The following NCOA2 variants were observed in gnomAD, a reference collection of about 807,000 sequenced individuals.
The protein encoded by NCOA2 is nuclear receptor coactivator 2, also known as class E basic helix-loop-helix protein 75.
Under a neutral mutation model 145.1 loss-of-function variants are expected in NCOA2, and 21 were observed. The ratio of observed to expected loss-of-function variants is 0.14; its 90% CI spans 0.10 to 0.21. The LOEUF (loss-of-function observed/expected upper bound fraction) is 0.21. Among genes scored for constraint, NCOA2 ranks in the 10% least tolerant of loss-of-function variants. The pLI, the probability that NCOA2 is intolerant of heterozygous loss-of-function variation, is 1.00. For missense variants in NCOA2, 1,472 were observed against 1,837.6 expected (o/e 0.80, Z 3.64); for synonymous variants, 619 against 637.5 (o/e 0.97, Z 0.44).
intron 1 of NCOA2, among the ~76,000 whole-genome samples, chr8:70,369,584 G>A (rs1586616541): frequency 1.3e-5 from 2 of 152,154 alleles, no homozygotes; most frequent in African/African-American, 4.8e-5. Flanking sequence ...AGATAGAGCA[G>A]AAGGCACACA....
At chr8:70,376,299 C>T (rs964201922) in intron 1 of NCOA2, among the ~76,000 whole-genome samples, 1 of 151,962 alleles carries the variant, frequency 6.6e-6, no homozygotes, top group Admixed American at 6.6e-5. Context: ...CTGATATTAT[C>T]ATATCTAACT....
chr8:70,350,904 A>G (rs1382471113), intron 1 of NCOA2, among the ~76,000 whole-genome samples: 2 of 152,224 alleles, frequency 1.3e-5, no homozygotes, highest in Non-Finnish European at 2.9e-5. Context: ...CAGACTCAGT[A>G]ATTTATAAAG....
intron 2 of NCOA2, among the ~76,000 whole-genome samples, chr8:70,235,185 C>T (rs1821489064): frequency 6.6e-6 from 1 of 152,072 alleles, no homozygotes; most frequent in South Asian, 2.1e-4. Flanking sequence ...ATGGATGAAC[C>T]TTGAGAATAC....
Position 70,193,583 on chromosome 8 carries a change from G to GATC in NCOA2, c.260-18727_260-18725dup, listed in dbSNP as rs112221230. 3.0e-3 allele frequency among the ~76,000 whole-genome samples: 455 copies of GATC among 152,184 alleles called. 4 individuals carry two copies. Among genetic ancestry groups the GATC allele is most frequent in the African/African-American group, 0.011 (442 of 41,506 alleles). On this transcript the variant is annotated intron_variant, in intron 4 of 22. Coordinates refer to ENST00000452400, the MANE Select transcript of NCOA2 (RefSeq NM_006540.4). ...TTTTTTCCCCTCATCTGACATAAAG[G>GATC]ATCTACAAATTGAAGATGGTCTACC...
At chr8:70,177,104 C>T (rs1381637873) in intron 4 of NCOA2, among the ~76,000 whole-genome samples, 1 of 152,216 alleles carries the variant, frequency 6.6e-6, no homozygotes, top group Non-Finnish European at 1.5e-5. Flanking sequence ...TAACTATTCA[C>T]AGGGGTCGCA....
intron 1 of NCOA2, among the ~76,000 whole-genome samples, chr8:70,333,695 C>A (rs1056272753): frequency 1.3e-5 from 2 of 152,172 alleles, no homozygotes; most frequent in Non-Finnish European, 2.9e-5. Flanking sequence ...CCACTACCTG[C>A]ACTTGTCAAT....
At chr8:70,127,085 G>T in intron 18 of NCOA2, 38 bp from the exon 19 acceptor site, 1 of 1,418,876 alleles carries the variant, frequency 7.0e-7, no homozygotes, top group Non-Finnish European at 9.8e-7. Context: ...AAATGTCGGG[G>T]ACAGACATAG....
At chr8:70,286,267 C>G (rs1353298327) in intron 2 of NCOA2, among the ~76,000 whole-genome samples, 2 of 151,984 alleles carry the variant, frequency 1.3e-5, no homozygotes, top group African/African-American at 4.8e-5. Flanking sequence ...AAAAAATTAG[C>G]TGGGCATGTT....
chr8:70,158,952 A>C (rs726285), intron 10 of NCOA2, among the ~76,000 whole-genome samples: 135,014 of 151,052 alleles, frequency 0.89, 60,793 homozygotes, highest in African/African-American at 0.95. Flanking sequence ...TTTTACAATT[A>C]ACTAGTGTTA....
intron 9 of NCOA2, among the ~76,000 whole-genome samples, chr8:70,160,548 G>T (rs1812819018): frequency 6.6e-6 from 1 of 151,862 alleles, no homozygotes; most frequent in African/African-American, 2.4e-5. Context: ...TTTTAACAAG[G>T]CTACTATGTT....
intron 4 of NCOA2, among the ~76,000 whole-genome samples, chr8:70,192,940 G>A (rs750906926): frequency 7.2e-5 from 11 of 151,840 alleles, no homozygotes; most frequent in Non-Finnish European, 1.5e-4. Context: ...GGTGGCGCAT[G>A]TCTGTAATCC....
intron 1 of NCOA2, among the ~76,000 whole-genome samples, chr8:70,341,261 CACATGCCTGT>C (rs1808119587): frequency 6.6e-6 from 1 of 151,998 alleles, no homozygotes; most frequent in Non-Finnish European, 1.5e-5. Flanking sequence ...CACATGCCAG[CACATGCCTGT>C]AGTCACAGCT....
At chr8:70,359,172 A>G (rs1041893528) in intron 1 of NCOA2, among the ~76,000 whole-genome samples, 2 of 152,208 alleles carry the variant, frequency 1.3e-5, no homozygotes, top group Non-Finnish European at 2.9e-5. Context: ...ACAGTGTGGC[A>G]TTTCCTCAAG....
intron 4 of NCOA2, among the ~76,000 whole-genome samples, chr8:70,189,856 G>C (rs1242010484): frequency 2.0e-5 from 3 of 152,110 alleles, no homozygotes; most frequent in African/African-American, 7.2e-5. Flanking sequence ...GTATTAAAAA[G>C]GTTTTTCTTT....
At chr8:70,262,990 C>T (rs1478922387) in intron 2 of NCOA2, among the ~76,000 whole-genome samples, 1 of 151,636 alleles carries the variant, frequency 6.6e-6, no homozygotes, top group African/African-American at 2.4e-5. Context: ...TTCATTATTA[C>T]TACAGATTTT....
At chr8:70,364,510 T>C (rs970269144) in intron 1 of NCOA2, among the ~76,000 whole-genome samples, 1 of 152,124 alleles carries the variant, frequency 6.6e-6, no homozygotes, top group African/African-American at 2.4e-5. Flanking sequence ...CAGAACTAAA[T>C]CAGATGATGC....
At chr8:70,314,420 T>TA (rs1312812806) in intron 1 of NCOA2, among the ~76,000 whole-genome samples, 1 of 152,036 alleles carries the variant, frequency 6.6e-6, no homozygotes, top group Non-Finnish European at 1.5e-5. Flanking sequence ...CTAAACTACT[T>TA]ACAAAAACAA....
intron 1 of NCOA2, among the ~76,000 whole-genome samples, chr8:70,375,007 T>C (rs1362946838): frequency 2.6e-5 from 4 of 152,082 alleles, no homozygotes; most frequent in East Asian, 1.9e-4. Context: ...TCAGTCACCC[T>C]ACGTCTGCAT....
At chr8:70,429,994 A>T in the NCOA2 span, among the ~76,000 whole-genome samples, 1 of 152,144 alleles carries the variant, frequency 6.6e-6, no homozygotes. Context: ...CAGGGATTAC[A>T]GGAGTGTGCC....
Sources: gnomAD v4.1 joint callset for allele counts (sites outside exome capture counted in the v4.1 genomes callset) on GRCh38, gnomAD v4.1.1 for gene constraint, MANE v1.5 for transcripts, NCBI Gene and HGNC (gene_info 2026-07-23, HGNC 2026-07-21) for gene names.